GABRA2: variants seen among roughly 807,000 people sequenced by gnomAD.
GABRA2 encodes the protein gamma-aminobutyric acid type A receptor subunit alpha2, also known as gamma-aminobutyric acid receptor subunit alpha-2.
In GABRA2, 16 loss-of-function variants were observed where a neutral mutation model predicts 48.7. That is an observed-to-expected ratio of 0.33 (90% confidence interval 0.22 to 0.50). The LOEUF is 0.50. Among genes scored for constraint, GABRA2 ranks in the 20% least tolerant of loss-of-function variants. The pLI, the probability that GABRA2 is intolerant of heterozygous loss-of-function variation, is 0.98. For synonymous variants in GABRA2, 185 were observed against 184.5 expected, an observed-to-expected ratio of 1.00 and a Z score of -0.02; for missense variants, 275 against 535.6, an observed-to-expected ratio of 0.51 and a Z score of 4.80.
intron 1 of GABRA2, chr4:46,389,282 T>C: frequency 1.0e-6 from 1 of 985,362 alleles, no homozygotes; most frequent in Non-Finnish European, 1.2e-6. Context: ...CTTAACAAAA[T>C]AAAATAAATA....
At chr4:46,368,442 AT>A (rs1714390027) in intron 3 of GABRA2, 1 of 152,294 alleles carries the variant, frequency 6.6e-6, no homozygotes. Flanking sequence ...AGAAACCATC[AT>A]TTTTAACCAG....
chr4:46,294,547 G>T (rs1038234164), intron 8 of GABRA2, among the ~76,000 whole-genome samples: 2 of 152,168 alleles, frequency 1.3e-5, no homozygotes, highest in Non-Finnish European at 1.5e-5. Context: ...CAGAAGAAGG[G>T]TCTGCAACAG....
At chr4:46,256,147 ATTG>A (rs766044798) in intron 9 of GABRA2, 1 of 521,618 alleles carries the variant, frequency 1.9e-6, no homozygotes, top group South Asian at 3.1e-5. Context: ...AGATAATGCT[ATTG>A]TTAACTGTCT....
intron 8 of GABRA2, among the ~76,000 whole-genome samples, chr4:46,296,729 A>G (rs994913261): frequency 1.3e-5 from 2 of 151,618 alleles, no homozygotes; most frequent in South Asian, 4.2e-4. Flanking sequence ...TGGGTAGTAG[A>G]AGAAGGTAGT....
chr4:46,320,939 T>C (rs1729345525), intron 4 of GABRA2, among the ~76,000 whole-genome samples: 2 of 151,982 alleles, frequency 1.3e-5, no homozygotes, highest in South Asian at 4.1e-4. Flanking sequence ...ATGCTCATTG[T>C]AGCATTATTC....
intron 5 of GABRA2, 67 bp downstream of exon 5, chr4:46,312,429 G>T: frequency 2.0e-6 from 2 of 1,007,208 alleles, no homozygotes; most frequent in South Asian, 1.4e-5. Flanking sequence ...CAGCTAGATT[G>T]GCTGGTTGTT....
intron 5 of GABRA2, among the ~76,000 whole-genome samples, chr4:46,311,770 T>A (rs971884821): frequency 6.6e-6 from 1 of 152,194 alleles, no homozygotes; most frequent in African/African-American, 2.4e-5. Context: ...ATTAAAGTTA[T>A]TTTTTCTTTG....
intron 5 of GABRA2, among the ~76,000 whole-genome samples, chr4:46,312,109 T>C (rs571510341): frequency 9.2e-5 from 14 of 152,142 alleles, no homozygotes; most frequent in Admixed American, 5.9e-4. Context: ...AATAAATGAA[T>C]AAATAAATAA....
In GABRA2 at chr4:46,251,644, G is replaced by A. The variant is rs534726765; in HGVS notation, c.1060-1040C>T. Among the ~76,000 whole-genome samples the A allele has an allele frequency of 1.1e-4, 16 of 151,382 alleles. No individual in the cohort carries two copies. The South Asian group carries it at 2.1e-3, about 20-fold the overall frequency. ...TTTCCTAAGAAAGGACTTTCTTAAG[G>A]TCACTCTAACTAAACATCTCTTTGC... On this transcript the variant is annotated intron_variant, in intron 9 of 9. Coordinates refer to ENST00000381620, the MANE Select transcript of GABRA2 (RefSeq NM_000807.4).
At chr4:46,368,873 T>C (rs1195286167) in intron 3 of GABRA2, 7 of 533,114 alleles carry the variant, frequency 1.3e-5, no homozygotes, top group South Asian at 8.0e-5. Flanking sequence ...AAATGTGCTC[T>C]CCAGTTCTTC....
At chr4:46,330,620 T>C (rs1215152877) in intron 4 of GABRA2, among the ~76,000 whole-genome samples, 6 of 125,422 alleles carry the variant, frequency 4.8e-5, no homozygotes, top group Non-Finnish European at 1.1e-4. Context: ...ATGTTTTAGG[T>C]AAAATAATTC....
intron 4 of GABRA2, among the ~76,000 whole-genome samples, chr4:46,316,527 C>T (rs1320019653): frequency 1.3e-5 from 2 of 151,904 alleles, no homozygotes; most frequent in Admixed American, 6.6e-5. Flanking sequence ...ACTGGAATTT[C>T]GTGTATGTGC....
intron 3 of GABRA2, among the ~76,000 whole-genome samples, chr4:46,342,279 T>TAA (rs1398788210): frequency 6.6e-6 from 1 of 152,090 alleles, no homozygotes; most frequent in African/African-American, 2.4e-5. Context: ...GTTGATTATA[T>TAA]AACCTCTGCC....
chr4:46,337,970 T>C (rs1732546357), intron 3 of GABRA2, among the ~76,000 whole-genome samples: 5 of 152,020 alleles, frequency 3.3e-5, no homozygotes, highest in Admixed American at 3.3e-4. Flanking sequence ...AAGCAAACTT[T>C]CCAAACAAAA....
chr4:46,271,507 G>T (rs1001408170), intron 8 of GABRA2, among the ~76,000 whole-genome samples: 2 of 151,926 alleles, frequency 1.3e-5, no homozygotes, highest in African/African-American at 4.8e-5. Context: ...TACTGTAAAA[G>T]GTTATAATTT....
chr4:46,256,903 G>A (rs939127224), intron 9 of GABRA2, among the ~76,000 whole-genome samples: 11 of 151,502 alleles, frequency 7.3e-5, no homozygotes, highest in Middle Eastern at 3.4e-3. Context: ...TTGTTCCTAC[G>A]TCTACGTTTT....
chr4:46,375,459 A>C (rs990793622), intron 3 of GABRA2, among the ~76,000 whole-genome samples: 1 of 152,130 alleles, frequency 6.6e-6, no homozygotes, highest in African/African-American at 2.4e-5. Context: ...AAAACAAATA[A>C]GTTTTTCTAA....
chr4:46,243,867 GA>G lies in GABRA2; in HGVS notation c.*6440del, dbSNP rs757945551. On this transcript the variant is annotated 3_prime_UTR_variant, in exon 10 of 10. Coordinates refer to ENST00000381620, the MANE Select transcript of GABRA2 (RefSeq NM_000807.4). ...ATCGTATTATTAATTTGTAGCAAAG[GA>G]AAAATACTTTATTCCTTTTATTTTC... is the stretch of plus-strand genomic sequence containing the variant. The G allele has an allele frequency of 1.7e-4, 25 of 151,420 alleles. No homozygotes were observed. Among genetic ancestry groups the G allele is most frequent in the Non-Finnish European group, 3.1e-4 (21 of 67,596 alleles). The allele number at this position is 151,420 out of a possible 1,614,324, so 9.4% of individuals were successfully genotyped here.
In GABRA2 at chr4:46,325,300, C is replaced by A. The variant is rs1428388013; in HGVS notation, c.255+7315G>T. 2.0e-5 allele frequency among the ~76,000 whole-genome samples: 3 copies of A among 151,892 alleles called. No homozygotes were observed. In the East Asian group the frequency reaches 5.8e-4, roughly 30 times the overall value. On this transcript the variant is annotated intron_variant, in intron 4 of 9. Transcript: ENST00000381620. ...CCATCTGACTGAGGTGAGATGGTAC[C>A]TTGTTGTGGTTTTGATTTGCATTTC...
Sources: gnomAD v4.1 joint callset for allele counts (sites outside exome capture counted in the v4.1 genomes callset) on GRCh38, gnomAD v4.1.1 for gene constraint, MANE v1.5 for transcripts, NCBI Gene and HGNC (gene_info 2026-07-23, HGNC 2026-07-21) for gene names.